Variants in CASKIN2 observed in about 807,000 individuals in gnomAD.
CASKIN2 encodes CASK interacting protein 2, also known as caskin-2.
Under a neutral mutation model 107.1 loss-of-function variants are expected in CASKIN2, and 41 were observed. That is an observed-to-expected ratio of 0.38 (90% CI 0.30 to 0.50). The LOEUF (loss-of-function observed/expected upper bound fraction) is 0.50. CASKIN2 is among the 20% of genes least tolerant of loss of function. The pLI, the probability that CASKIN2 is intolerant of heterozygous loss-of-function variation, is 0.92. For synonymous variants in CASKIN2, 724 were observed against 705.6 expected (o/e 1.03, Z -0.41); for missense variants, 1,546 against 1,657.4 (o/e 0.93, Z 1.17).
Position 75,513,795 on chromosome 17 carries a change from C to T in CASKIN2, c.10G>A (p.Glu4Lys), listed in dbSNP as rs778356029. 1 of 1,613,440 alleles carries T rather than the reference C, an allele frequency of 6.2e-7. No individual in the cohort carries two copies. MGR[E>K]QDLILAVKNG... ...TTGACGGCGAGGATCAGGTCCTGTT[C>T]ACGACCCATACTGGCTCCTGGGCTG... is the stretch of plus-strand genomic sequence containing the variant. The change falls in exon 2 of 20, where the codon GAA becomes AAA. Residue 4 changes from glutamate (E) to lysine (K), a missense_variant. Transcript: ENST00000321617.
chr17:75,511,058 CCT>C (rs1491202410), intron 2 of CASKIN2, among the ~76,000 whole-genome samples: 1 of 102,794 alleles, frequency 9.7e-6, no homozygotes, highest in Non-Finnish European at 2.2e-5. Context: ...CTTTCCCTGT[CCT>C]TTTTTTTTTT....
In CASKIN2 at chr17:75,505,053, G is replaced by T. The variant is rs116280627; in HGVS notation, c.951C>A (p.Asp317Glu). ...DVITVLEQHP[D>E]GRWKGHIHES... The stretch of plus-strand genomic sequence containing the variant: ...CGTGGATGTGGCCCTTCCAGCGGCC[G>T]TCGGGATGCTGTTCTAGCACCTGCG... Residue 317 changes from aspartate to glutamate, a missense_variant, in exon 11 of 20, where the codon GAC becomes GAA. By Grantham distance (45) the Asp-to-Glu change is conservative. Transcript: ENST00000321617. This position sits in a 1 kb window ranked among gnomAD's most constrained non-coding sequence, Gnocchi z 5.1. 2 of 1,565,368 alleles carry T rather than the reference G, an allele frequency of 1.3e-6. No individual in the cohort carries two copies. Among genetic ancestry groups the T allele is most frequent in the Non-Finnish European group, 1.7e-6 (2 of 1,152,430 alleles).
At chr17:75,507,562 C>G (rs188967015) in intron 4 of CASKIN2, 22 bp downstream of exon 4, 9 of 1,589,656 alleles carry the variant, frequency 5.7e-6, no homozygotes, top group Non-Finnish European at 7.8e-6. Context: ...GGGTGGGGGT[C>G]GGGGGCACAT....
At chr17:75,507,797 C>A (rs540647703) in intron 3 of CASKIN2, 116 bp from the exon 4 acceptor site, 22 of 745,346 alleles carry the variant, frequency 3.0e-5, no homozygotes, top group African/African-American at 2.4e-4. Context: ...ACTGGCCCCC[C>A]CAACCCCAGC....
At chr17:75,504,175 T>TC (rs745765459) in intron 14 of CASKIN2, 40 bp downstream of exon 14, 1 of 1,531,338 alleles carries the variant, frequency 6.5e-7, no homozygotes, top group African/African-American at 1.4e-5. Flanking sequence ...GGTCACACCT[T>TC]CCCCCCCGAG....
rs1291679068 is a variant in CASKIN2 at position 75,501,640 on chromosome 17, C to T, written c.3346G>A (p.Gly1116Ser). The T allele has an allele frequency of 6.3e-7, 1 of 1,590,518 alleles. No individual in the cohort carries two copies. The change falls in exon 19 of 20, where the codon GGC becomes AGC. Residue 1116 changes from glycine (G) to serine (S), a missense_variant. Around this residue, in one of 6 missense-constraint regions of CASKIN2, gnomAD observed 1,311 missense variants for 1,311.0 expected, o/e 1.00. Transcript: ENST00000321617. ...SVACTQLAFS[G>S]PKLAPRLGPR... ...CCGAGCCGGGGCGCTAGCTTAGGGC[C>T]AGAAAATGCCAGCTGGGTGCAGGCC...
chr17:75,507,223 G>T, intron 4 of CASKIN2, 94 bp from the exon 5 acceptor site: 1 of 1,394,636 alleles, frequency 7.2e-7, no homozygotes, highest in Non-Finnish European at 9.6e-7. Context: ...CAGCTGGGAG[G>T]GCAGAGAGCC....
rs1166624274 is a variant in CASKIN2, at chr17:75,502,939, T to C, written c.2135A>G (p.Gln712Arg). The change falls in exon 18 of 20, where the codon CAG becomes CGG. Residue 712 changes from glutamine (Q) to arginine (R), a missense_variant. Around this residue, in one of 6 missense-constraint regions of CASKIN2, gnomAD observed 1,311 missense variants for 1,311.0 expected, o/e 1.00. Coordinates refer to ENST00000321617, the MANE Select transcript of CASKIN2 (RefSeq NM_020753.5). The surrounding 1 kb of genome is among the most constrained non-coding windows in gnomAD (Gnocchi z 4.3). ...GCTGGGCTGTGGGGCAGGCTGTTCCTGTGAGTGGCCAGACCCCCGTGAGCG... is the reference window on the plus strand; with the variant it reads ...GCTGGGCTGTGGGGCAGGCTGTTCCCGTGAGTGGCCAGACCCCCGTGAGCG... ...GARSRGSGHS[Q>R]EQPAPQPSGG... 6 of 1,572,884 alleles carry C rather than the reference T, an allele frequency of 3.8e-6. No homozygotes were observed. Among genetic ancestry groups the C allele is most frequent in the Middle Eastern group, 1.7e-4 (1 of 5,870 alleles).
chr17:75,505,252 T>A lies in CASKIN2; in HGVS notation c.931-179A>T. 1 of 726,370 alleles carries A rather than the reference T, an allele frequency of 1.4e-6. No homozygotes were observed. Among genetic ancestry groups the A allele is most frequent in the Non-Finnish European group, 2.3e-6 (1 of 441,224 alleles). 45.0% of individuals were successfully genotyped at this position (726,370 alleles called of 1,614,324 possible). On this transcript the variant is annotated intron_variant, in intron 10 of 19. Transcript: ENST00000321617. This position sits in a 1 kb window ranked among gnomAD's most constrained non-coding sequence, Gnocchi z 5.1. ...CCCCTGCTGCCAGCAGCCAGCTCAA[T>A]CTCCCCTGTGCCTCCAGGGCGAGCC...
In CASKIN2 at chr17:75,502,806, A is replaced by C. The variant is rs2053216607; in HGVS notation, c.2268T>G (p.Phe756Leu). Reference sequence around the variant, plus strand: ...TAGAGGGTGAGCCCTGGGGGTACATAAAAACATAGGGTGGGGGTCCTTGGC... The same window carrying C: ...TAGAGGGTGAGCCCTGGGGGTACATCAAAACATAGGGTGGGGGTCCTTGGC... ...LPGQGPPPYV[F>L]MYPQGSPSSP... The change falls in exon 18 of 20, where the codon TTT becomes TTG. Residue 756 changes from phenylalanine (F) to leucine (L), a missense_variant. Phe to Leu is a conservative substitution (Grantham distance 22). Coordinates refer to ENST00000321617, the MANE Select transcript of CASKIN2 (RefSeq NM_020753.5). This position sits in a 1 kb window ranked among gnomAD's most constrained non-coding sequence, Gnocchi z 4.3. 3.2e-6 allele frequency: 5 copies of C among 1,576,952 alleles called. No homozygotes were observed. Among genetic ancestry groups the C allele is most frequent in the Admixed American group, 3.6e-5 (2 of 55,694 alleles).
rs1385648282 is a variant in CASKIN2, at chr17:75,502,113, T to C, written c.2961A>G (p.Ser987=). 1 of 1,607,156 alleles carries C rather than the reference T, an allele frequency of 6.2e-7. No homozygotes were observed. Among genetic ancestry groups the C allele is most frequent in the Admixed American group, 1.7e-5 (1 of 59,968 alleles). Residue 987 remains serine, a synonymous_variant, in exon 18 of 20, where the codon TCA becomes TCG. Transcript: ENST00000321617. The surrounding 1 kb of genome is among the most constrained non-coding windows in gnomAD (Gnocchi z 4.3). ...PPGLDFNLTE[S]DTVKRRPKCR... ...ACTTGGGCCTCCGCTTAACAGTGTC[T>C]GATTCCGTGAGGTTGAAATCGAGGC...
chr17:75,504,719 CAG>C, intron 11 of CASKIN2, 26 bp from the exon 12 acceptor site: 3 of 1,581,618 alleles, frequency 1.9e-6, no homozygotes, highest in Non-Finnish European at 2.6e-6. Flanking sequence ...GCCAAGGGGT[CAG>C]AGTCCCAAGT....
At chr17:75,503,805 G>T (rs2053231462) in intron 15 of CASKIN2, 45 bp from the exon 16 acceptor site, 1 of 1,610,792 alleles carries the variant, frequency 6.2e-7, no homozygotes, top group African/African-American at 1.3e-5. Context: ...CCGCCTGCTG[G>T]GCCCTCCCCC....
In CASKIN2 at chr17:75,505,825, C is replaced by T; in HGVS notation, c.831G>A (p.Leu277=). The change falls in exon 9 of 20, where the codon CTG becomes CTA. Residue 277 remains leucine, a synonymous_variant. Coordinates refer to ENST00000321617, the MANE Select transcript of CASKIN2 (RefSeq NM_020753.5). The surrounding 1 kb of genome is among the most constrained non-coding windows in gnomAD (Gnocchi z 5.1). ...SQASREIKQL[L]REASGILKVR... is the part of the protein sequence containing the mutation. Reference sequence around the variant, plus strand: ...GGTATCCTCCCCCGCACTCACCCCGCAGTAGCTGCTTGATTTCCCGGCTGG... The same window carrying T: ...GGTATCCTCCCCCGCACTCACCCCGTAGTAGCTGCTTGATTTCCCGGCTGG... 1.9e-6 allele frequency: 3 copies of T among 1,613,098 alleles called. No individual in the cohort carries two copies. In the South Asian group the frequency reaches 3.3e-5, roughly 18 times the overall value.
intron 2 of CASKIN2, among the ~76,000 whole-genome samples, chr17:75,513,084 G>A (rs890424643): frequency 6.6e-6 from 1 of 152,080 alleles, no homozygotes; most frequent in African/African-American, 2.4e-5. Context: ...CTGCTAGAAG[G>A]CAACTCCACG....
In CASKIN2 at chr17:75,505,942, T is replaced by G; in HGVS notation, c.727-13A>C. ...CGTCCACACCTCCCTGGGTGCACAG[T>G]GTCACATGAGCACACGCTAAGCACT... On this transcript the variant is annotated splice_polypyrimidine_tract_variant and intron_variant, in intron 8 of 19. Coordinates refer to ENST00000321617, the MANE Select transcript of CASKIN2 (RefSeq NM_020753.5). This position sits in a 1 kb window ranked among gnomAD's most constrained non-coding sequence, Gnocchi z 5.1. 6.2e-7 allele frequency: 1 copy of G among 1,609,164 alleles called. No homozygotes were observed. The highest frequency in any genetic ancestry group is 1.1e-5 in the South Asian group (1 of 90,956).
Position 75,505,938 on chromosome 17 carries a change from A to G in CASKIN2, c.727-9T>C. ...TTCACGTCCACACCTCCCTGGGTGCACAGTGTCACATGAGCACACGCTAAG... is the reference window on the plus strand; with the variant it reads ...TTCACGTCCACACCTCCCTGGGTGCGCAGTGTCACATGAGCACACGCTAAG... On this transcript the variant is annotated splice_polypyrimidine_tract_variant and intron_variant, in intron 8 of 19. Transcript: ENST00000321617. The surrounding 1 kb of genome is among the most constrained non-coding windows in gnomAD (Gnocchi z 5.1). 1 of 1,610,870 alleles carries G rather than the reference A, an allele frequency of 6.2e-7. No individual in the cohort carries two copies. Among genetic ancestry groups the G allele is most frequent in the African/African-American group, 1.3e-5 (1 of 74,992 alleles).
rs768945299 is a variant in CASKIN2 at position 75,507,074 on chromosome 17, C to T, written c.300G>A (p.Leu100=). Residue 100 remains leucine, a synonymous_variant, in exon 5 of 20, where the codon CTG becomes CTA. Transcript: ENST00000321617. ...AWQGRLEPVR[L]LLRASAAVNA... Reference sequence around the variant, plus strand: ...TGACAGCCGCAGAGGCGCGCAGCAGCAGCCTCACAGGCTCCAGCCGGCCCT... The same window carrying T: ...TGACAGCCGCAGAGGCGCGCAGCAGTAGCCTCACAGGCTCCAGCCGGCCCT... The T allele has an allele frequency of 2.5e-6, 4 of 1,611,812 alleles. No homozygotes were observed. Among genetic ancestry groups the T allele is most frequent in the Non-Finnish European group, 3.4e-6 (4 of 1,179,610 alleles).
In CASKIN2 at chr17:75,507,038, C is replaced by T. The variant is rs763324227; in HGVS notation, c.336G>A (p.Ser112=). 8.1e-6 allele frequency: 13 copies of T among 1,612,732 alleles called. No homozygotes were observed. The highest frequency in any genetic ancestry group is 2.7e-5 in the African/African-American group (2 of 74,936). ...GGTGCAGGGGGATCTGTCCGTCCAG[C>T]GAGGCGGCATTGACAGCCGCAGAGG... The part of the protein sequence containing the change: ...LRASAAVNAA[S]LDGQIPLHLA... Residue 112 remains serine (S), a synonymous_variant, in exon 5 of 20, where the codon TCG becomes TCA. Coordinates refer to ENST00000321617, the MANE Select transcript of CASKIN2 (RefSeq NM_020753.5).
Sources: allele counts gnomAD v4.1 joint callset (sites outside exome capture counted in the v4.1 genomes callset), GRCh38; gene constraint gnomAD v4.1.1; regional missense constraint gnomAD v4.1.1; non-coding constraint Gnocchi (gnomAD v3.1); transcripts MANE v1.5; gene names NCBI Gene and HGNC (gene_info 2026-07-23, HGNC 2026-07-21).